The following CNTN4 variants were observed in gnomAD, a reference collection of about 807,000 sequenced individuals.
The protein encoded by CNTN4 is contactin 4.
A neutral mutation model predicts 122.5 loss-of-function variants in CNTN4; 77 were observed. The ratio of observed to expected loss-of-function variants is 0.63; its 90% CI spans 0.52 to 0.76. The LOEUF is 0.76. Ranked by LOEUF, CNTN4 falls within the 30% of genes least tolerant of loss-of-function variation. CNTN4 has a pLI of 0.00. For synonymous variants in CNTN4, 512 were observed against 447.0 expected (o/e 1.15, Z -1.83); for missense variants, 1,256 against 1,259.1 (o/e 1.00, Z 0.04).
chr3:2,705,859 GTT>G (rs1559409178), intron 4 of CNTN4, among the ~76,000 whole-genome samples: 50 of 81,970 alleles, frequency 6.1e-4, no homozygotes, highest in East Asian at 1.6e-3. Context: ...TAATATATGT[GTT>G]TATATATAAT....
intron 6 of CNTN4, among the ~76,000 whole-genome samples, chr3:2,797,155 C>T (rs1026820692): frequency 1.5e-4 from 23 of 152,158 alleles, no homozygotes; most frequent in African/African-American, 5.5e-4. Flanking sequence ...TGTGCACCAC[C>T]ATGCCCAACT....
At chr3:2,126,326 A>G (rs183533586) in intron 2 of CNTN4, among the ~76,000 whole-genome samples, 26 of 152,246 alleles carry the variant, frequency 1.7e-4, no homozygotes, top group Non-Finnish European at 2.9e-4. Context: ...CGCCCAGTAC[A>G]TGGCACATTT....
At chr3:2,301,092 A>C (rs911482321) in intron 2 of CNTN4, among the ~76,000 whole-genome samples, 13 of 152,164 alleles carry the variant, frequency 8.5e-5, no homozygotes, top group African/African-American at 2.9e-4. Flanking sequence ...TCCATTGCAG[A>C]CTGAAATATC....
At position 3,017,295 on chromosome 3, in the gene CNTN4, C is replaced by T. The variant is rs189035396; in HGVS notation, c.1487-8807C>T. Among the ~76,000 whole-genome samples the T allele has an allele frequency of 1.3e-3, 202 of 152,224 alleles. 1 individual carries two copies. Among genetic ancestry groups the T allele is most frequent in the Non-Finnish European group, 1.8e-3 (121 of 68,004 alleles). On this transcript the variant is annotated intron_variant, in intron 14 of 24. Coordinates refer to ENST00000418658, the MANE Select transcript of CNTN4 (RefSeq NM_175607.3). ...TTCTCAATTCACAGACATAATTCCT[C>T]AATGGAAAACAAATCTTAGAGAAAA...
intron 4 of CNTN4, among the ~76,000 whole-genome samples, chr3:2,687,866 C>T (rs998714396): frequency 2.0e-5 from 3 of 152,102 alleles, no homozygotes; most frequent in Non-Finnish European, 2.9e-5. Context: ...GAGAATGAAA[C>T]TCAAAGAGGC....
chr3:2,637,837 G>T (rs528705134), intron 4 of CNTN4, among the ~76,000 whole-genome samples: 16 of 152,064 alleles, frequency 1.1e-4, no homozygotes, highest in Admixed American at 2.0e-4. Flanking sequence ...TCTAACTTCC[G>T]ATTACAGACG....
chr3:2,844,842 G>T (rs1001921139), intron 7 of CNTN4, among the ~76,000 whole-genome samples: 3 of 152,086 alleles, frequency 2.0e-5, no homozygotes, highest in Admixed American at 6.6e-5. Context: ...TGACTTTCTG[G>T]ATAAACAGTC....
intron 3 of CNTN4, among the ~76,000 whole-genome samples, chr3:2,526,902 A>T (rs5004845): frequency 6.6e-6 from 1 of 152,036 alleles, no homozygotes; most frequent in Non-Finnish European, 1.5e-5. Context: ...CATCCTTGAT[A>T]ACTGGTTTGC....
At chr3:2,106,135 G>T (rs773417744) in intron 2 of CNTN4, among the ~76,000 whole-genome samples, 1 of 152,220 alleles carries the variant, frequency 6.6e-6, no homozygotes, top group Non-Finnish European at 1.5e-5. Context: ...CTCTGGCTTT[G>T]CAGGCTACAG....
intron 3 of CNTN4, among the ~76,000 whole-genome samples, chr3:2,544,133 TA>T (rs765976663): frequency 6.6e-6 from 1 of 152,256 alleles, no homozygotes; most frequent in Non-Finnish European, 1.5e-5. Context: ...TCCTAACAAA[TA>T]AAATTAAATC....
chr3:2,934,274 T>C (rs1432201278), intron 13 of CNTN4, among the ~76,000 whole-genome samples: 1 of 152,226 alleles, frequency 6.6e-6, no homozygotes, highest in Admixed American at 6.5e-5. Flanking sequence ...AGATCAAGTC[T>C]AGCATTCTGT....
chr3:2,247,975 C>A (rs1424211659), intron 2 of CNTN4, among the ~76,000 whole-genome samples: 2 of 151,940 alleles, frequency 1.3e-5, no homozygotes, highest in African/African-American at 2.4e-5. Context: ...AGAAGAATAG[C>A]CGCACCCTCT....
chr3:2,383,885 C>G (rs1412969588), intron 3 of CNTN4, among the ~76,000 whole-genome samples: 1 of 151,982 alleles, frequency 6.6e-6, no homozygotes, highest in African/African-American at 2.4e-5. Flanking sequence ...GACTTGTGTT[C>G]TAATAAACCC....
chr3:2,668,496 A>G (rs1040284778), intron 4 of CNTN4, among the ~76,000 whole-genome samples: 12 of 152,212 alleles, frequency 7.9e-5, no homozygotes, highest in African/African-American at 2.9e-4. Context: ...TTTTGGGCTG[A>G]GACAATGGGG....
chr3:2,149,263 G>A (rs542696237), intron 2 of CNTN4, among the ~76,000 whole-genome samples: 14 of 152,238 alleles, frequency 9.2e-5, no homozygotes, highest in African/African-American at 2.9e-4. Flanking sequence ...TAGAAATCCC[G>A]TGACCATACG....
intron 3 of CNTN4, among the ~76,000 whole-genome samples, chr3:2,534,124 C>T (rs367728185): frequency 2.0e-5 from 3 of 152,020 alleles, no homozygotes; most frequent in East Asian, 1.9e-4. Context: ...ATCCCATTTG[C>T]CAATTTTGGC....
intron 3 of CNTN4, among the ~76,000 whole-genome samples, chr3:2,523,009 C>A (rs1225669774): frequency 6.6e-6 from 1 of 152,024 alleles, no homozygotes; most frequent in Non-Finnish European, 1.5e-5. Flanking sequence ...CTAAATTGAT[C>A]TGGTACATCT....
At chr3:2,650,076 A>AAT (rs139412989) in intron 4 of CNTN4, among the ~76,000 whole-genome samples, 15,048 of 145,490 alleles carry the variant, frequency 0.1, 780 homozygotes, top group Admixed American at 0.12. Flanking sequence ...TATTTTTATA[A>AAT]ATATATATAT....
intron 3 of CNTN4, among the ~76,000 whole-genome samples, chr3:2,345,904 C>CA (rs1367248198): frequency 1.3e-5 from 2 of 152,092 alleles, no homozygotes; most frequent in Admixed American, 1.3e-4. Context: ...TGCTTGTTGA[C>CA]AAAATATTAC....
Sources: gnomAD v4.1 joint callset for allele counts (sites outside exome capture counted in the v4.1 genomes callset) on GRCh38, gnomAD v4.1.1 for gene constraint, MANE v1.5 for transcripts, NCBI Gene and HGNC (gene_info 2026-07-23, HGNC 2026-07-21) for gene names.